PDS5A: variants seen among roughly 807,000 people sequenced by gnomAD.
PDS5A encodes PDS5 cohesin associated factor A, also known as sister chromatid cohesion protein PDS5 homolog A.
A neutral mutation model predicts 167.1 loss-of-function variants in PDS5A; 42 were observed. That is an observed-to-expected ratio of 0.25 (90% confidence interval 0.20 to 0.33). PDS5A has a LOEUF of 0.33. PDS5A is among the 10% of genes least tolerant of loss of function. The probability of loss-of-function intolerance (pLI) is 1.00; values close to 1 mark genes in which losing one functional copy is unlikely to be tolerated. For synonymous variants in PDS5A, 553 were observed against 554.6 expected, an observed-to-expected ratio of 1.00 and a Z score of 0.04; for missense variants, 1,033 against 1,605.9, an observed-to-expected ratio of 0.64 and a Z score of 6.10.
intron 3 of PDS5A, among the ~76,000 whole-genome samples, chr4:39,927,142 C>A (rs1171923767): frequency 6.6e-6 from 1 of 152,186 alleles, no homozygotes; most frequent in Non-Finnish European, 1.5e-5. Flanking sequence ...CTTCTACTAT[C>A]GTGCTTTCAC....
intron 30 of PDS5A, among the ~76,000 whole-genome samples, chr4:39,842,362 T>C (rs1274422448): frequency 6.6e-6 from 1 of 152,218 alleles, no homozygotes; most frequent in East Asian, 1.9e-4. Context: ...CTGTAAGCTT[T>C]ATCTTTTGGG....
intron 21 of PDS5A, 93 bp from the exon 22 acceptor site, chr4:39,869,555 T>G (rs959010688): frequency 7.7e-5 from 59 of 771,086 alleles, no homozygotes; most frequent in Admixed American, 4.0e-5. Flanking sequence ...ACACAGCCTC[T>G]GAGAAACCTA....
intron 2 of PDS5A, among the ~76,000 whole-genome samples, chr4:39,975,614 A>G (rs578085063): frequency 1.3e-5 from 2 of 152,278 alleles, no homozygotes; most frequent in South Asian, 4.1e-4. Context: ...ACAGTTTCCT[A>G]GCCGGACTCA....
intron 22 of PDS5A, 57 bp from the exon 23 acceptor site, chr4:39,867,054 A>AAAATTAATCTAATT: frequency 4.4e-6 from 6 of 1,376,780 alleles, no homozygotes; most frequent in Non-Finnish European, 6.0e-6. Context: ...AATTAAAGGG[A>AAAATTAATCTAATT]AAATTAATTT....
chr4:39,893,929 T>C (rs1019433182), intron 16 of PDS5A, among the ~76,000 whole-genome samples: 2 of 152,238 alleles, frequency 1.3e-5, no homozygotes, highest in Non-Finnish European at 2.9e-5. Context: ...TGTGTGGCTG[T>C]TGCAGTCACA....
intron 2 of PDS5A, among the ~76,000 whole-genome samples, chr4:39,950,295 G>A (rs1728224498): frequency 6.6e-6 from 1 of 152,074 alleles, no homozygotes; most frequent in African/African-American, 2.4e-5. Context: ...GGCACGGTGG[G>A]TCTCACCTAT....
chr4:39,973,831 A>C (rs1578860294), intron 2 of PDS5A: 1 of 1,101,214 alleles, frequency 9.1e-7, no homozygotes, highest in East Asian at 2.4e-5. Context: ...ACAGACTCAG[A>C]ACCGTGCTGC....
chr4:39,851,387 G>A lies in PDS5A; in HGVS notation c.3087-1735C>T, dbSNP rs73129415. Among the ~76,000 whole-genome samples, 374 of 151,754 alleles carry A rather than the reference G, an allele frequency of 2.5e-3. 2 individuals are homozygous for A. Among genetic ancestry groups the A allele is most frequent in the African/African-American group, 8.3e-3 (342 of 41,360 alleles). On this transcript the variant is annotated intron_variant, in intron 26 of 32. Coordinates refer to ENST00000303538, the MANE Select transcript of PDS5A (RefSeq NM_001100399.2). ...TGATCACAGCCCCAGCAACCATGGT[G>A]TCCTGGGCTCACACTATCCTCCTAC... is the stretch of plus-strand genomic sequence containing the variant.
At chr4:39,932,510 C>A in intron 2 of PDS5A, 1 of 226,582 alleles carries the variant, frequency 4.4e-6, no homozygotes, top group South Asian at 8.3e-5. Context: ...CCATGTATGT[C>A]AAACTGGTAT....
chr4:39,974,892 T>C (rs1210868698), intron 2 of PDS5A, among the ~76,000 whole-genome samples: 2 of 152,012 alleles, frequency 1.3e-5, no homozygotes, highest in Admixed American at 1.3e-4. Flanking sequence ...AGGCAGATCA[T>C]TCGAAGTCAG....
intron 19 of PDS5A, among the ~76,000 whole-genome samples, chr4:39,876,559 A>G (rs921820111): frequency 6.6e-6 from 1 of 152,210 alleles, no homozygotes; most frequent in African/African-American, 2.4e-5. Flanking sequence ...TCTCAGCACA[A>G]GTTTCACCTT....
At chr4:39,825,605 TA>T (rs1187024355) in intron 32 of PDS5A, 117 bp from the exon 33 acceptor site, 2 of 757,686 alleles carry the variant, frequency 2.6e-6, no homozygotes, top group Non-Finnish European at 4.1e-6. Context: ...TTTTTAAACT[TA>T]AGCATCAGGA....
chr4:39,908,365 T>C, intron 11 of PDS5A, 30 bp downstream of exon 11: 1 of 1,570,808 alleles, frequency 6.4e-7, no homozygotes, highest in Non-Finnish European at 8.8e-7. Context: ...AACAGTAAAT[T>C]ACAGAAGAAT....
chr4:39,946,085 T>C (rs1727730477), intron 2 of PDS5A, among the ~76,000 whole-genome samples: 1 of 151,754 alleles, frequency 6.6e-6, no homozygotes, highest in Non-Finnish European at 1.5e-5. Context: ...CAGGTGTCTG[T>C]AATCCCATAT....
chr4:39,902,347 T>C lies in PDS5A; in HGVS notation c.1499A>G (p.Lys500Arg). ...AGCAGTTATTTGAAAAGTAACTTAC[T>C]TTACAGCATTTGGATCCAAACTAGC... is the stretch of plus-strand genomic sequence containing the variant. ...LYASLDPNAV[K>R]ALNEMWKCQN... The change falls in exon 13 of 33, where the codon AAA (lysine) becomes AGA (arginine). Residue 500 changes from lysine to arginine, a missense_variant and splice_region_variant. Transcript: ENST00000303538. 7.3e-7 allele frequency: 1 copy of C among 1,377,362 alleles called. No homozygotes were observed. Among genetic ancestry groups the C allele is most frequent in the Non-Finnish European group, 1.0e-6 (1 of 981,100 alleles). The allele number at this position is 1,377,362 out of a possible 1,614,324, so 85.3% of individuals were successfully genotyped here. A position where few individuals can be genotyped will look rare whatever the true frequency, so the allele number is the denominator to read the frequency against.
intron 26 of PDS5A, among the ~76,000 whole-genome samples, chr4:39,854,769 C>T (rs544294003): frequency 4.6e-5 from 7 of 152,146 alleles, no homozygotes; most frequent in African/African-American, 1.2e-4. Context: ...AAGAACTTAG[C>T]GTACCTGGCA....
At chr4:39,898,972 C>T in intron 14 of PDS5A, 147 bp from the exon 15 acceptor site, 1 of 577,722 alleles carries the variant, frequency 1.7e-6, no homozygotes, top group Admixed American at 3.2e-5. Context: ...ATGGTTTTAC[C>T]ACATATATAC....
At chr4:39,845,145 T>C (rs901814004) in intron 29 of PDS5A, among the ~76,000 whole-genome samples, 3 of 152,074 alleles carry the variant, frequency 2.0e-5, no homozygotes, top group African/African-American at 7.2e-5. Context: ...GAGGTGAAGG[T>C]TGCAGTGAGC....
rs143321211 is a variant in PDS5A, at chr4:39,894,344, G to C, written c.1771-3980C>G. Among the ~76,000 whole-genome samples the C allele has an allele frequency of 5.1e-4, 77 of 152,104 alleles. 1 individual carries two copies. The East Asian group carries it at 0.011, about 22-fold the overall frequency. On this transcript the variant is annotated intron_variant, in intron 16 of 32. Transcript: ENST00000303538. ...GATCATTTGAGCCCTAGATGCAGAGGTTACGGTGAGCTGAGATTGTGTCAT... is the reference window on the plus strand; with the variant it reads ...GATCATTTGAGCCCTAGATGCAGAGCTTACGGTGAGCTGAGATTGTGTCAT...
Sources: allele counts gnomAD v4.1 joint callset (sites outside exome capture counted in the v4.1 genomes callset), GRCh38; gene constraint gnomAD v4.1.1; transcripts MANE v1.5; gene names NCBI Gene and HGNC (gene_info 2026-07-23, HGNC 2026-07-21).